Variants in FAT4 observed in about 807,000 individuals in gnomAD.
FAT4 encodes the protein FAT atypical cadherin 4.
Under a neutral mutation model 303.9 loss-of-function variants are expected in FAT4, and 84 were observed. The ratio of observed to expected loss-of-function variants is 0.28; its 90% CI spans 0.23 to 0.33. FAT4 has a LOEUF of 0.33. Among genes scored for constraint, FAT4 ranks in the 10% least tolerant of loss-of-function variants. FAT4 has a pLI of 1.00. For synonymous variants in FAT4, 2,307 were observed against 2,298.8 expected (o/e 1.00, Z -0.10); for missense variants, 6,005 against 6,146.8 (o/e 0.98, Z 0.77).
intron 7 of FAT4, among the ~76,000 whole-genome samples, chr4:125,424,577 A>G (rs905608539): frequency 8.5e-5 from 13 of 152,132 alleles, no homozygotes; most frequent in Non-Finnish European, 1.5e-4. Flanking sequence ...TTATACTTCT[A>G]TGGGCTTATT....
At chr4:125,363,366 T>G (rs188646893) in intron 2 of FAT4, among the ~76,000 whole-genome samples, 11 of 152,022 alleles carry the variant, frequency 7.2e-5, no homozygotes, top group Non-Finnish European at 1.5e-4. Context: ...TCCTCCTGAT[T>G]TGCTCCTCGT....
intron 5 of FAT4, among the ~76,000 whole-genome samples, chr4:125,414,522 C>A (rs1734963400): frequency 6.6e-6 from 1 of 152,040 alleles, no homozygotes; most frequent in South Asian, 2.1e-4. Context: ...CATTTTATTA[C>A]CCTTTCTTGA....
At chr4:125,391,493 G>A (rs1733977399) in intron 2 of FAT4, among the ~76,000 whole-genome samples, 1 of 152,040 alleles carries the variant, frequency 6.6e-6, no homozygotes, top group Non-Finnish European at 1.5e-5. Context: ...ACAGAGAAGG[G>A]AACAACACAC....
At chr4:125,423,328 G>C (rs1724972265) in intron 7 of FAT4, among the ~76,000 whole-genome samples, 3 of 151,564 alleles carry the variant, frequency 2.0e-5, no homozygotes, top group Non-Finnish European at 4.4e-5. Flanking sequence ...GTGGGCCCAG[G>C]GCACCCCTGC....
chr4:125,322,415 T>C (rs913482670), intron 2 of FAT4, among the ~76,000 whole-genome samples: 1 of 152,166 alleles, frequency 6.6e-6, no homozygotes, highest in Non-Finnish European at 1.5e-5. Flanking sequence ...ACTGCCTCCT[T>C]GTATCGTTGA....
intron 9 of FAT4, 126 bp from the exon 10 acceptor site, chr4:125,448,335 C>T (rs922899431): frequency 2.4e-6 from 2 of 850,898 alleles, no homozygotes; most frequent in Admixed American, 2.5e-5. Flanking sequence ...ATACTGTTCT[C>T]CCTAGTAATC....
At position 125,315,104 on chromosome 4, in the gene FAT4, G is replaced by A. The variant is rs1730513077; in HGVS notation, c.-886G>A. 1.3e-5 allele frequency among the ~76,000 whole-genome samples: 2 copies of A among 151,994 alleles called. No individual in the cohort carries two copies. Among genetic ancestry groups the A allele is most frequent in the Non-Finnish European group, 2.9e-5 (2 of 67,974 alleles). ...TGTGTGTGTGTGTGCATGCCTGTGC[G>A]GCGGGGAAGGGGCGGGGAGAGTGTG... On this transcript the variant is annotated 5_prime_UTR_variant, in exon 1 of 18. Coordinates refer to ENST00000394329, the MANE Select transcript of FAT4 (RefSeq NM_001291303.3).
chr4:125,331,762 T>G (rs965281683), intron 2 of FAT4, among the ~76,000 whole-genome samples: 40 of 152,200 alleles, frequency 2.6e-4, no homozygotes, highest in African/African-American at 9.4e-4. Context: ...CTTTTAATAT[T>G]GATAACTTTA....
At position 125,440,610 on chromosome 4, in the gene FAT4, T is replaced by TGTGTGTGTGTGAGAGAGAGA. The variant is rs372756130; in HGVS notation, c.7200-5682_7200-5681insTGTGTGTGTGAGAGAGAGAG. 1.3e-4 allele frequency among the ~76,000 whole-genome samples: 10 copies of TGTGTGTGTGTGAGAGAGAGA among 75,750 alleles called. 1 individual carries two copies. In the South Asian group the frequency reaches 2.8e-3, roughly 21 times the overall value. The allele number at this position is 75,750 out of a possible 152,430, so 49.7% of individuals were successfully genotyped here. A position where few individuals can be genotyped will look rare whatever the true frequency, so the allele number is the denominator to read the frequency against. On this transcript the variant is annotated intron_variant, in intron 8 of 17. Coordinates refer to ENST00000394329, the MANE Select transcript of FAT4 (RefSeq NM_001291303.3). ...GTGTGTGTGTGTGTGTGTGTGTGTG[T>TGTGTGTGTGTGAGAGAGAGA]GAGAGAGAGAGAGAGAGAGAGAGAG...
intron 16 of FAT4, among the ~76,000 whole-genome samples, chr4:125,482,257 G>A (rs929137039): frequency 8.3e-4 from 126 of 152,216 alleles, no homozygotes; most frequent in African/African-American, 3.0e-3. Context: ...GTGGAGTAAA[G>A]TATATTTGGA....
intron 7 of FAT4, among the ~76,000 whole-genome samples, chr4:125,427,188 A>G (rs1385386532): frequency 2.0e-5 from 3 of 151,558 alleles, no homozygotes; most frequent in Non-Finnish European, 4.4e-5. Context: ...TTTTTATTTT[A>G]TAATTTTTAA....
intron 10 of FAT4, among the ~76,000 whole-genome samples, chr4:125,461,933 C>T (rs1726497448): frequency 6.6e-6 from 1 of 151,912 alleles, no homozygotes; most frequent in Middle Eastern, 3.2e-3. Flanking sequence ...AGTTTTCCTG[C>T]CTATTTCTCC....
At chr4:125,448,367 A>G in intron 9 of FAT4, 94 bp from the exon 10 acceptor site, 1 of 1,140,010 alleles carries the variant, frequency 8.8e-7, no homozygotes, top group Non-Finnish European at 1.2e-6. Context: ...AGGTCACATC[A>G]AGCAGCAATA....
rs376263749 is a variant in FAT4 at position 125,406,894 on chromosome 4, C to T, written c.5322C>T (p.Leu1774=). The change falls in exon 4 of 18, where the codon CTC becomes CTT. Residue 1774 remains leucine, a synonymous_variant. Coordinates refer to ENST00000394329, the MANE Select transcript of FAT4 (RefSeq NM_001291303.3). ...AMDADEGANA[L]VTYTIISGAD... ...TCTTTTTTTAGGGTGCAAATGCTCT[C>T]GTCACATACACTATCATTAGTGGAG... The T allele has an allele frequency of 1.2e-5, 19 of 1,613,614 alleles. No homozygotes were observed. Among genetic ancestry groups the T allele is most frequent in the African/African-American group, 1.3e-5 (1 of 74,888 alleles).
chr4:125,340,470 G>GC (rs1731744799), intron 2 of FAT4, among the ~76,000 whole-genome samples: 1 of 151,850 alleles, frequency 6.6e-6, no homozygotes, highest in Non-Finnish European at 1.5e-5. Flanking sequence ...TGCAAGCTCC[G>GC]CCTCCCGGGT....
At chr4:125,347,486 G>A (rs116211834) in intron 2 of FAT4, among the ~76,000 whole-genome samples, 3,583 of 151,158 alleles carry the variant, frequency 0.024, 135 homozygotes, top group African/African-American at 0.083. Flanking sequence ...TTGAAGAGAT[G>A]GCTGCTAACA....
At chr4:125,431,042 TATCAACA>T (rs2126041280) in intron 7 of FAT4, among the ~76,000 whole-genome samples, 1 of 109,542 alleles carries the variant, frequency 9.1e-6, no homozygotes, top group East Asian at 5.3e-4. Context: ...TACAGTAATG[TATCAACA>T]GTAGTAATGT....
chr4:125,452,208 T>C lies in FAT4; in HGVS notation c.11198T>C (p.Leu3733Pro), dbSNP rs145248395. ...AAGGACTTCTTGACCAACCACTATC[T>C]TCATTTTTTACGCATTGCCAGCTCA... is the stretch of plus-strand genomic sequence containing the variant. ...TVKDFLTNHY[L>P]HFLRIASSQL... The change falls in exon 10 of 18, where the codon CTT becomes CCT. Residue 3733 changes from leucine (L) to proline (P), a missense_variant. Transcript: ENST00000394329. 28 of 1,614,250 alleles carry C rather than the reference T, an allele frequency of 1.7e-5. No homozygotes were observed. The African/African-American group carries it at 3.3e-4, about 19-fold the overall frequency.
chr4:125,416,736 G>C, intron 7 of FAT4, 114 bp downstream of exon 7: 3 of 988,404 alleles, frequency 3.0e-6, no homozygotes, highest in Non-Finnish European at 3.0e-6. Flanking sequence ...ACTTGAGGTC[G>C]GGAGTTCAAG....
Sources: allele counts gnomAD v4.1 joint callset (sites outside exome capture counted in the v4.1 genomes callset), GRCh38; gene constraint gnomAD v4.1.1; transcripts MANE v1.5; gene names NCBI Gene and HGNC (gene_info 2026-07-23, HGNC 2026-07-21).